TMEM135: variants seen among roughly 807,000 people sequenced by gnomAD.
TMEM135 encodes peroxisomal membrane protein 52.
Under a neutral mutation model 60.3 loss-of-function variants are expected in TMEM135, and 30 were observed. That is an observed-to-expected ratio of 0.50 (90% CI 0.37 to 0.68). The LOEUF is 0.68. TMEM135 is among the 30% of genes least tolerant of loss of function. The probability of loss-of-function intolerance (pLI) is 0.00; values close to 1 mark genes in which losing one functional copy is unlikely to be tolerated. For missense variants in TMEM135, 468 were observed against 548.8 expected (o/e 0.85, Z 1.47); for synonymous variants, 190 against 186.7 (o/e 1.02, Z -0.14).
intron 4 of TMEM135, among the ~76,000 whole-genome samples, chr11:87,134,510 T>A (rs1315901746): frequency 6.6e-6 from 1 of 152,192 alleles, no homozygotes; most frequent in Non-Finnish European, 1.5e-5. Context: ...AGAGACAGGG[T>A]CTTGCTCTAT....
intron 5 of TMEM135, among the ~76,000 whole-genome samples, chr11:87,224,991 G>A (rs1191712532): frequency 2.6e-5 from 4 of 151,934 alleles, no homozygotes; most frequent in Non-Finnish European, 5.9e-5. Context: ...TTCTTCACTA[G>A]AATAAATAAG....
At chr11:87,214,633 A>G (rs1037347574) in intron 5 of TMEM135, among the ~76,000 whole-genome samples, 2 of 152,124 alleles carry the variant, frequency 1.3e-5, no homozygotes, top group Non-Finnish European at 2.9e-5. Context: ...TAAACTAATA[A>G]TTACAGTGTT....
At chr11:87,171,860 G>C (rs1245427631) in intron 5 of TMEM135, among the ~76,000 whole-genome samples, 2 of 152,092 alleles carry the variant, frequency 1.3e-5, no homozygotes, top group Non-Finnish European at 2.9e-5. Context: ...ACACAACCTA[G>C]ATCCCTCCCA....
At chr11:87,076,453 A>G (rs532114623) in intron 3 of TMEM135, among the ~76,000 whole-genome samples, 9 of 152,326 alleles carry the variant, frequency 5.9e-5, no homozygotes, top group African/African-American at 2.2e-4. Context: ...CCTCTGGCCT[A>G]GGGTAGGTTC....
chr11:87,100,654 G>A (rs1400581107), intron 4 of TMEM135, among the ~76,000 whole-genome samples: 2 of 152,164 alleles, frequency 1.3e-5, no homozygotes, highest in African/African-American at 4.8e-5. Flanking sequence ...CTAAGGTCAG[G>A]AGTTCGAGAC....
At chr11:87,114,897 A>T (rs976448452) in intron 4 of TMEM135, among the ~76,000 whole-genome samples, 22 of 152,350 alleles carry the variant, frequency 1.4e-4, no homozygotes, top group Middle Eastern at 3.4e-3. Flanking sequence ...AAGGGCTTTG[A>T]CAGACAAGTT....
chr11:87,236,174 A>G (rs952651449), intron 5 of TMEM135, among the ~76,000 whole-genome samples: 6 of 133,182 alleles, frequency 4.5e-5, no homozygotes, highest in African/African-American at 7.7e-5. Flanking sequence ...TATCCCGTCT[A>G]TATATGTATG....
chr11:87,284,254 A>G (rs1354476281), intron 6 of TMEM135, among the ~76,000 whole-genome samples: 5 of 152,202 alleles, frequency 3.3e-5, no homozygotes, highest in Non-Finnish European at 5.9e-5. Flanking sequence ...TTAAAGTTTG[A>G]CTAGTGTTAC....
At chr11:87,047,346 C>T (rs1172780675) in intron 1 of TMEM135, among the ~76,000 whole-genome samples, 12 of 152,032 alleles carry the variant, frequency 7.9e-5, no homozygotes, top group Admixed American at 5.9e-4. Flanking sequence ...CTCCGGTCTA[C>T]AGCTCCCAGC....
intron 5 of TMEM135, among the ~76,000 whole-genome samples, chr11:87,177,153 T>C (rs191015426): frequency 1.3e-5 from 2 of 152,278 alleles, no homozygotes; most frequent in East Asian, 1.9e-4. Flanking sequence ...ATTGCCCCAA[T>C]TGAAAGCACT....
chr11:87,254,965 C>T (rs529203579), intron 6 of TMEM135, among the ~76,000 whole-genome samples: 194 of 152,232 alleles, frequency 1.3e-3, no homozygotes, highest in African/African-American at 4.5e-3. Context: ...CATAGGGAGA[C>T]CCCATCCCTA....
At chr11:87,256,133 GAAGTT>G (rs534766225) in intron 6 of TMEM135, among the ~76,000 whole-genome samples, 34 of 152,246 alleles carry the variant, frequency 2.2e-4, no homozygotes, top group Non-Finnish European at 4.4e-4. Context: ...ATGAGGTTTT[GAAGTT>G]ATAAACTTAT....
chr11:87,288,627 A>G (rs935298906), intron 6 of TMEM135, among the ~76,000 whole-genome samples: 6 of 151,918 alleles, frequency 3.9e-5, no homozygotes, highest in African/African-American at 1.2e-4. Flanking sequence ...ATTATAAATC[A>G]TTTAATCAGC....
At chr11:87,223,185 G>A (rs1940682566) in intron 5 of TMEM135, among the ~76,000 whole-genome samples, 1 of 136,570 alleles carries the variant, frequency 7.3e-6, no homozygotes, top group South Asian at 2.3e-4. Context: ...TTTTTTCTGA[G>A]ATGGAGTCTC....
intron 5 of TMEM135, among the ~76,000 whole-genome samples, chr11:87,172,113 G>A (rs531263860): frequency 1.8e-4 from 27 of 152,102 alleles, no homozygotes; most frequent in Non-Finnish European, 3.1e-4. Flanking sequence ...ATTGCCCATA[G>A]AGCTCTTCAA....
intron 5 of TMEM135, among the ~76,000 whole-genome samples, chr11:87,232,106 ATGAC>A (rs1216375402): frequency 6.6e-6 from 1 of 152,052 alleles, no homozygotes; most frequent in Non-Finnish European, 1.5e-5. Context: ...ATGCACCATT[ATGAC>A]TGACTAATTT....
chr11:87,203,603 A>G (rs1940170598), intron 5 of TMEM135, among the ~76,000 whole-genome samples: 1 of 151,940 alleles, frequency 6.6e-6, no homozygotes. Flanking sequence ...TTATTTACTC[A>G]CCTACTGGAG....
chr11:87,305,802 A>AAGAAAGAAAGAAAG (rs1190290584), intron 8 of TMEM135, 134 bp from the exon 9 acceptor site: 1 of 411,856 alleles, frequency 2.4e-6, no homozygotes, highest in African/African-American at 2.1e-5. Context: ...TAAATAAATA[A>AAGAAAGAAAGAAAG]ATAAAGTGAT....
rs1942815471 is a variant in TMEM135 at position 87,321,301 on chromosome 11, G to A, written c.1345G>A (p.Val449Ile). Residue 449 changes from valine (V) to isoleucine (I), a missense_variant, in exon 15 of 15, where the codon GTA becomes ATA. Physicochemically the swap from Val to Ile is conservative, Grantham distance 29 (BLOSUM62 3). Coordinates refer to ENST00000305494, the MANE Select transcript of TMEM135 (RefSeq NM_022918.4). ...CAGGTTGGATCCAAGATACACAACT[G>A]TAACACCAGAGTTGCCCACAGAGTT... Reference protein sequence around the residue: ...IPRLDPRYTTVTPELPTEFS With the variant: ...IPRLDPRYTTITPELPTEFS The A allele has an allele frequency of 2.5e-6, 4 of 1,613,558 alleles. No homozygotes were observed. The highest frequency in any genetic ancestry group is 1.7e-5 in the Admixed American group (1 of 59,960).
Sources: gnomAD v4.1 joint callset for allele counts (sites outside exome capture counted in the v4.1 genomes callset) on GRCh38, gnomAD v4.1.1 for gene constraint, MANE v1.5 for transcripts, NCBI Gene and HGNC (gene_info 2026-07-23, HGNC 2026-07-21) for gene names.